The following FLT1 variants were observed in gnomAD, a reference collection of about 807,000 sequenced individuals.
FLT1 encodes the protein vascular endothelial growth factor receptor 1.
In FLT1, 49 loss-of-function variants were observed where a neutral mutation model predicts 156.3. That is an observed-to-expected ratio of 0.31 (90% CI 0.25 to 0.40). FLT1 has a LOEUF of 0.40. Ranked by LOEUF, FLT1 falls within the 10% of genes least tolerant of loss-of-function variation. FLT1 has a pLI of 1.00. For synonymous variants in FLT1, 594 were observed against 583.8 expected (o/e 1.02, Z -0.25); for missense variants, 1,322 against 1,637.2 (o/e 0.81, Z 3.32).
At chr13:28,347,288 C>T (rs552881347) in intron 15 of FLT1, among the ~76,000 whole-genome samples, 4 of 151,732 alleles carry the variant, frequency 2.6e-5, no homozygotes, top group East Asian at 3.9e-4. Flanking sequence ...TTTGGGAGGC[C>T]GAGACGGGCA....
intron 10 of FLT1, among the ~76,000 whole-genome samples, chr13:28,407,314 C>A (rs1219596388): frequency 6.6e-6 from 1 of 152,030 alleles, no homozygotes; most frequent in African/African-American, 2.4e-5. Context: ...CCCCATATAC[C>A]CGCCACCCAG....
intron 10 of FLT1, among the ~76,000 whole-genome samples, chr13:28,415,234 C>G (rs1252981184): frequency 6.6e-6 from 1 of 152,158 alleles, no homozygotes. Flanking sequence ...AATCCCAGCA[C>G]TTTGGGAGGC....
intron 15 of FLT1, 152 bp from the exon 16 acceptor site, chr13:28,345,703 C>T: frequency 3.0e-6 from 2 of 672,194 alleles, no homozygotes; most frequent in Non-Finnish European, 5.4e-6. Context: ...GGACAGATCT[C>T]TTACCTTCTA....
intron 11 of FLT1, among the ~76,000 whole-genome samples, chr13:28,404,955 G>T (rs903924762): frequency 1.3e-5 from 2 of 151,562 alleles, no homozygotes; most frequent in Non-Finnish European, 2.9e-5. Flanking sequence ...AGGAGGCAGA[G>T]GTTGCAGTGA....
intron 15 of FLT1, among the ~76,000 whole-genome samples, chr13:28,356,376 A>G (rs1273613106): frequency 1.3e-5 from 2 of 152,232 alleles, no homozygotes; most frequent in African/African-American, 2.4e-5. Context: ...AGAAGGTGTT[A>G]AACAGAGATG....
chr13:28,428,537 C>T (rs1418384576), intron 8 of FLT1, among the ~76,000 whole-genome samples: 1 of 151,882 alleles, frequency 6.6e-6, no homozygotes, highest in Non-Finnish European at 1.5e-5. Flanking sequence ...AATACTGAAT[C>T]GATGCATTGA....
intron 4 of FLT1, among the ~76,000 whole-genome samples, chr13:28,436,849 G>A (rs977232055): frequency 1.3e-5 from 2 of 152,166 alleles, no homozygotes; most frequent in Non-Finnish European, 2.9e-5. Context: ...AGCAATGTGA[G>A]GTGGTACTAT....
intron 3 of FLT1, among the ~76,000 whole-genome samples, chr13:28,453,415 G>T (rs991729273): frequency 5.9e-5 from 9 of 152,082 alleles, no homozygotes; most frequent in African/African-American, 1.9e-4. Context: ...AAGCCACCAC[G>T]CCTGGCAGGG....
rs1040839608 is a variant in FLT1, at chr13:28,439,916, A to C, written c.389-1571T>G. On this transcript the variant is annotated intron_variant, in intron 3 of 29. Coordinates refer to ENST00000282397, the MANE Select transcript of FLT1 (RefSeq NM_002019.4). The surrounding 1 kb of genome is among the most constrained non-coding windows in gnomAD (Gnocchi z 4.1). ...AGTTTTAAGCCAAAAAAGAAAAAAA[A>C]GTGGGCCATTGCTGTAGCCTGCTGA... Among the ~76,000 whole-genome samples, 1 of 152,254 alleles carries C rather than the reference A, an allele frequency of 6.6e-6. No homozygotes were observed. Among genetic ancestry groups the C allele is most frequent in the African/African-American group, 2.4e-5 (1 of 41,470 alleles).
intron 13 of FLT1, chr13:28,388,950 C>T: frequency 1.9e-6 from 2 of 1,064,802 alleles, no homozygotes; most frequent in African/African-American, 1.6e-5. Flanking sequence ...AGGAGCAAAC[C>T]CTTTGCTAGG....
chr13:28,461,020 T>G (rs1175289097), intron 3 of FLT1, among the ~76,000 whole-genome samples: 2 of 152,084 alleles, frequency 1.3e-5, no homozygotes, highest in Non-Finnish European at 2.9e-5. Context: ...TGGAGTACAG[T>G]GGCTATTCAC....
chr13:28,327,281 T>A (rs1871722559), intron 20 of FLT1, among the ~76,000 whole-genome samples, 181 bp downstream of exon 20: 1 of 152,160 alleles, frequency 6.6e-6, no homozygotes, highest in African/African-American at 2.4e-5. Flanking sequence ...CTCTGTGCTA[T>A]CCACACTAGA....
At chr13:28,308,966 G>C (rs1308898802) in intron 27 of FLT1, 39 bp from the exon 28 acceptor site, 1 of 1,255,746 alleles carries the variant, frequency 8.0e-7, no homozygotes, top group African/African-American at 1.4e-5. Context: ...GACAGGAAAA[G>C]GCATCCAGCT....
At chr13:28,338,266 AC>A (rs1478507905) in intron 17 of FLT1, among the ~76,000 whole-genome samples, 3 of 151,920 alleles carry the variant, frequency 2.0e-5, no homozygotes, top group African/African-American at 7.3e-5. Context: ...ATTTGGAACA[AC>A]AGGCTCTCCA....
intron 19 of FLT1, among the ~76,000 whole-genome samples, chr13:28,327,812 A>G (rs976452805): frequency 2.0e-5 from 3 of 151,306 alleles, no homozygotes; most frequent in Non-Finnish European, 2.9e-5. Flanking sequence ...TTAGAGAGAA[A>G]AGATTGGAAG....
intron 10 of FLT1, among the ~76,000 whole-genome samples, chr13:28,406,581 C>T (rs796280682): frequency 1.5e-4 from 23 of 152,156 alleles, no homozygotes; most frequent in African/African-American, 5.3e-4. Flanking sequence ...CTCTAATTTG[C>T]ACATGTCTTG....
At chr13:28,352,956 C>A (rs966015076) in intron 15 of FLT1, among the ~76,000 whole-genome samples, 4 of 152,110 alleles carry the variant, frequency 2.6e-5, no homozygotes, top group Non-Finnish European at 5.9e-5. Flanking sequence ...TGACTGAAGA[C>A]CCATGGCCAT....
At chr13:28,488,073 C>G (rs1300777912) in intron 1 of FLT1, among the ~76,000 whole-genome samples, 1 of 151,832 alleles carries the variant, frequency 6.6e-6, no homozygotes, top group Non-Finnish European at 1.5e-5. Flanking sequence ...CTTAGTCACA[C>G]ACGTCAAAGT....
chr13:28,334,396 A>G (rs1291539846), intron 17 of FLT1, among the ~76,000 whole-genome samples: 1 of 152,170 alleles, frequency 6.6e-6, no homozygotes, highest in Admixed American at 6.5e-5. Context: ...TTTCCTTTCC[A>G]CAGCGTTCTC....
Sources: allele counts gnomAD v4.1 joint callset (sites outside exome capture counted in the v4.1 genomes callset), GRCh38; gene constraint gnomAD v4.1.1; non-coding constraint Gnocchi (gnomAD v3.1); transcripts MANE v1.5; gene names NCBI Gene and HGNC (gene_info 2026-07-23, HGNC 2026-07-21).